Variants in KCNH8 observed in about 807,000 individuals in gnomAD.
KCNH8 encodes the protein potassium voltage-gated channel subfamily H member 8.
In KCNH8, 70 loss-of-function variants were observed where a neutral mutation model predicts 103.6. The observed-to-expected ratio is 0.68, with a 90% CI of 0.56 to 0.82. KCNH8 has a LOEUF of 0.82. Ranked by LOEUF, KCNH8 falls within the 40% of genes least tolerant of loss-of-function variation. The probability of loss-of-function intolerance (pLI) is 0.00; values close to 1 mark genes in which losing one functional copy is unlikely to be tolerated. For synonymous variants in KCNH8, 498 were observed against 489.4 expected (o/e 1.02, Z -0.23); for missense variants, 1,217 against 1,329.9 (o/e 0.92, Z 1.32).
chr3:19,214,303 A>G (rs761209403), intron 1 of KCNH8, among the ~76,000 whole-genome samples: 5 of 152,218 alleles, frequency 3.3e-5, no homozygotes, highest in Non-Finnish European at 7.3e-5. Context: ...ACCATGTGAC[A>G]TCTTTATCCG....
chr3:19,375,484 G>A (rs914720409), intron 5 of KCNH8, among the ~76,000 whole-genome samples: 2 of 150,110 alleles, frequency 1.3e-5, no homozygotes, highest in Non-Finnish European at 3.0e-5. Context: ...TCTCTGTATT[G>A]GTTATTCTAG....
intron 5 of KCNH8, among the ~76,000 whole-genome samples, chr3:19,378,527 C>A (rs552538088): frequency 1.3e-5 from 2 of 152,168 alleles, no homozygotes; most frequent in Non-Finnish European, 2.9e-5. Context: ...GCACCCTCTG[C>A]CATGCTCTGT....
intron 11 of KCNH8, among the ~76,000 whole-genome samples, chr3:19,462,403 AT>A (rs2067650537): frequency 1.3e-5 from 2 of 152,288 alleles, no homozygotes; most frequent in South Asian, 4.1e-4. Context: ...GATGATGAGC[AT>A]TTCTTCATGT....
chr3:19,386,905 C>A (rs1235713493), intron 5 of KCNH8, among the ~76,000 whole-genome samples: 1 of 152,248 alleles, frequency 6.6e-6, no homozygotes, highest in East Asian at 1.9e-4. Context: ...TTCTGTGATT[C>A]TGTCATGAGG....
rs556102267 is a variant in KCNH8, at chr3:19,423,449, CCT to C, written c.1178-14714_1178-14713del. ...CCCTCACCCTCCTTCCACCCTTCCCCCTGAGTCCATTATATCATTCTTATGCC... is the reference window on the plus strand; with the variant it reads ...CCCTCACCCTCCTTCCACCCTTCCCCGAGTCCATTATATCATTCTTATGCC... On this transcript the variant is annotated intron_variant, in intron 7 of 15. Coordinates refer to ENST00000328405, the MANE Select transcript of KCNH8 (RefSeq NM_144633.3). 1.5e-3 allele frequency among the ~76,000 whole-genome samples: 231 copies of C among 152,090 alleles called. 1 individual carries two copies. Among genetic ancestry groups the C allele is most frequent in the Middle Eastern group, 0.01 (3 of 294 alleles).
intron 11 of KCNH8, among the ~76,000 whole-genome samples, chr3:19,479,666 G>T (rs1262676262): frequency 6.6e-6 from 1 of 152,190 alleles, no homozygotes; most frequent in Non-Finnish European, 1.5e-5. Flanking sequence ...GGAAGAAACA[G>T]ATCAGAAATG....
intron 1 of KCNH8, among the ~76,000 whole-genome samples, chr3:19,183,394 G>A (rs1330757431): frequency 6.6e-6 from 1 of 152,078 alleles, no homozygotes. Flanking sequence ...TTAAATTATA[G>A]TAAGTAGGTA....
chr3:19,492,123 T>C (rs750249612), intron 11 of KCNH8, among the ~76,000 whole-genome samples: 2 of 152,120 alleles, frequency 1.3e-5, no homozygotes, highest in Non-Finnish European at 2.9e-5. Context: ...ATTTTGTCAG[T>C]TGTCTGTTTA....
At chr3:19,504,675 A>C (rs994736214) in intron 11 of KCNH8, among the ~76,000 whole-genome samples, 20 of 152,316 alleles carry the variant, frequency 1.3e-4, no homozygotes, top group Admixed American at 3.9e-4. Context: ...AAGTCAGAAA[A>C]TAACAGATGC....
chr3:19,427,186 G>A (rs1215201870), intron 7 of KCNH8, among the ~76,000 whole-genome samples: 1 of 152,088 alleles, frequency 6.6e-6, no homozygotes, highest in Non-Finnish European at 1.5e-5. Flanking sequence ...TTCTGACAGT[G>A]CTTTTAAAAA....
At chr3:19,258,945 C>CTATA (rs1165506732) in intron 2 of KCNH8, among the ~76,000 whole-genome samples, 62 of 42,232 alleles carry the variant, frequency 1.5e-3, no homozygotes, top group African/African-American at 2.2e-3. Context: ...CTCTCTCTCT[C>CTATA]TCTATATATA....
At chr3:19,239,389 C>T (rs1434439196) in intron 1 of KCNH8, among the ~76,000 whole-genome samples, 1 of 152,120 alleles carries the variant, frequency 6.6e-6, no homozygotes, top group Non-Finnish European at 1.5e-5. Flanking sequence ...ATGGTGAGAA[C>T]ATTTCTCTTC....
At chr3:19,478,255 G>T (rs980419629) in intron 11 of KCNH8, among the ~76,000 whole-genome samples, 6 of 151,628 alleles carry the variant, frequency 4.0e-5, no homozygotes, top group Non-Finnish European at 8.8e-5. Flanking sequence ...ATGAATGCAG[G>T]TATCATTTTG....
intron 11 of KCNH8, among the ~76,000 whole-genome samples, chr3:19,485,633 G>T (rs759330115): frequency 6.6e-6 from 1 of 152,086 alleles, no homozygotes; most frequent in Non-Finnish European, 1.5e-5. Context: ...CTTTCTGCAT[G>T]GAAAAAGTCT....
intron 11 of KCNH8, among the ~76,000 whole-genome samples, chr3:19,489,803 C>A (rs1488817274): frequency 6.6e-6 from 1 of 152,102 alleles, no homozygotes; most frequent in Non-Finnish European, 1.5e-5. Context: ...CAACCAAAAT[C>A]AGAGTATCAA....
At chr3:19,383,441 A>G (rs901619652) in intron 5 of KCNH8, among the ~76,000 whole-genome samples, 3 of 151,920 alleles carry the variant, frequency 2.0e-5, no homozygotes, top group African/African-American at 7.3e-5. Flanking sequence ...CAGTGGCACA[A>G]TCCCAGGGCT....
At chr3:19,336,737 T>C (rs1011619479) in intron 3 of KCNH8, among the ~76,000 whole-genome samples, 2 of 152,016 alleles carry the variant, frequency 1.3e-5, no homozygotes, top group African/African-American at 4.8e-5. Context: ...TATAACTTTA[T>C]TGTAATTTTT....
intron 1 of KCNH8, among the ~76,000 whole-genome samples, chr3:19,179,334 T>C (rs2063429770): frequency 2.0e-5 from 3 of 152,178 alleles, no homozygotes; most frequent in Admixed American, 2.0e-4. Context: ...TGATTAACAA[T>C]TTAATCTTTA....
intron 1 of KCNH8, among the ~76,000 whole-genome samples, chr3:19,195,975 T>C (rs1277645612): frequency 6.6e-6 from 1 of 152,042 alleles, no homozygotes; most frequent in Non-Finnish European, 1.5e-5. Flanking sequence ...CTAATATCTG[T>C]CTATCTACTT....
Sources: gnomAD v4.1 joint callset for allele counts (sites outside exome capture counted in the v4.1 genomes callset) on GRCh38, gnomAD v4.1.1 for gene constraint, MANE v1.5 for transcripts, NCBI Gene and HGNC (gene_info 2026-07-23, HGNC 2026-07-21) for gene names.